ARHGAP21: variants seen among roughly 807,000 people sequenced by gnomAD.
The protein encoded by ARHGAP21 is Rho GTPase activating protein 21.
Under a neutral mutation model 164.6 loss-of-function variants are expected in ARHGAP21, and 38 were observed. That is an observed-to-expected ratio of 0.23 (90% CI 0.18 to 0.30). The LOEUF is 0.30. Among genes scored for constraint, ARHGAP21 ranks in the 10% least tolerant of loss-of-function variants. The pLI is 1.00. For synonymous variants in ARHGAP21, 766 were observed against 857.9 expected (o/e 0.89, Z 1.87); for missense variants, 1,822 against 2,370.7 (o/e 0.77, Z 4.81).
intron 21 of ARHGAP21, among the ~76,000 whole-genome samples, chr10:24,594,608 G>C (rs1315552160): frequency 7.9e-6 from 1 of 125,790 alleles, no homozygotes; most frequent in African/African-American, 2.9e-5. Context: ...GTTTATGTCT[G>C]TTTTCCCTGT....
intron 14 of ARHGAP21, among the ~76,000 whole-genome samples, chr10:24,600,391 A>C (rs2076765931): frequency 6.6e-6 from 1 of 152,148 alleles, no homozygotes; most frequent in Non-Finnish European, 1.5e-5. Context: ...CAGGACTAGG[A>C]ATGTAGTTCA....
chr10:24,689,808 A>G (rs1425170024), intron 2 of ARHGAP21, among the ~76,000 whole-genome samples: 1 of 149,766 alleles, frequency 6.7e-6, no homozygotes, highest in Non-Finnish European at 1.5e-5. Flanking sequence ...ATGTATATGT[A>G]TGTGTATATA....
In ARHGAP21 at chr10:24,585,454, G is replaced by A. The variant is rs1396122259; in HGVS notation, c.4835C>T (p.Ala1612Val). Residue 1612 changes from alanine (A) to valine (V), a missense_variant, in exon 26 of 26, where the codon GCA becomes GTA. Physicochemically the swap from Ala to Val is moderately conservative, Grantham distance 64. Around this residue, in one of 5 missense-constraint regions of ARHGAP21, gnomAD observed 333 missense variants for 383.9 expected, o/e 0.87. Coordinates refer to ENST00000396432, the MANE Select transcript of ARHGAP21 (RefSeq NM_020824.4). ...SRLSPEVQSV[A>V]ESKGDEADDE... ...ATCTGCCTCGTCCCCCTTGCTCTCTGCCACGGATTGCACCTCAGGGCTCAG... is the reference window on the plus strand; with the variant it reads ...ATCTGCCTCGTCCCCCTTGCTCTCTACCACGGATTGCACCTCAGGGCTCAG... 4.3e-5 allele frequency: 70 copies of A among 1,613,870 alleles called. No individual in the cohort carries two copies. The highest frequency in any genetic ancestry group is 5.8e-5 in the Non-Finnish European group (69 of 1,180,054).
intron 4 of ARHGAP21, among the ~76,000 whole-genome samples, chr10:24,638,718 C>T (rs769788456): frequency 2.2e-4 from 34 of 152,294 alleles, no homozygotes; most frequent in Non-Finnish European, 4.3e-4. Flanking sequence ...AATATCATTT[C>T]CTAACCTTAT....
At chr10:24,687,738 C>T (rs929315541) in intron 2 of ARHGAP21, among the ~76,000 whole-genome samples, 1 of 152,172 alleles carries the variant, frequency 6.6e-6, no homozygotes, top group Non-Finnish European at 1.5e-5. Flanking sequence ...AAAAGTCGAG[C>T]TTAAATTTCA....
rs778682384 is a variant in ARHGAP21 at position 24,633,420 on chromosome 10, A to G, written c.422T>C (p.Ile141Thr). 6.2e-7 allele frequency: 1 copy of G among 1,610,278 alleles called. No individual in the cohort carries two copies. The part of the protein sequence containing the change: ...SVIGKTYSQV[I>T]ALIQNSDTTL... ...CTCTTACCTGTTTTGAATTAAAGCA[A>G]TTACTTGGGAATAGGTTTTGCCAAT... The change falls in exon 6 of 26, where the codon ATT (isoleucine) becomes ACT (threonine). Residue 141 changes from isoleucine (I) to threonine (T), a missense_variant. Physicochemically the swap from Ile to Thr is moderately conservative, Grantham distance 89. This residue lies in a region of ARHGAP21 where 1,090 missense variants were observed against 1,378.9 expected (regional missense o/e 0.79). Transcript: ENST00000396432.
At chr10:24,605,215 C>G (rs1378080370) in intron 11 of ARHGAP21, among the ~76,000 whole-genome samples, 1 of 152,176 alleles carries the variant, frequency 6.6e-6, no homozygotes, top group African/African-American at 2.4e-5. Flanking sequence ...GGGCACCGAT[C>G]ACTTGCAGAT....
chr10:24,648,082 A>G (rs1181032723), intron 4 of ARHGAP21, among the ~76,000 whole-genome samples: 8 of 151,944 alleles, frequency 5.3e-5, no homozygotes, highest in Non-Finnish European at 1.2e-4. Context: ...CAGGTGATCC[A>G]CCCACCCCGG....
At chr10:24,621,414 G>T (rs776278147) in intron 8 of ARHGAP21, 45 bp from the exon 9 acceptor site, 25 of 1,466,592 alleles carry the variant, frequency 1.7e-5, no homozygotes, top group South Asian at 1.5e-4. Flanking sequence ...TTCATAAAAA[G>T]AATAATAATT....
rs144788990 is a variant in ARHGAP21, at chr10:24,651,446, A to G, written c.268+15539T>C. 2.6e-3 allele frequency among the ~76,000 whole-genome samples: 394 copies of G among 152,260 alleles called. 1 individual carries two copies. Among genetic ancestry groups the G allele is most frequent in the Non-Finnish European group, 3.7e-3 (255 of 68,008 alleles). On this transcript the variant is annotated intron_variant, in intron 4 of 25. Coordinates refer to ENST00000396432, the MANE Select transcript of ARHGAP21 (RefSeq NM_020824.4). ...TTATCCTTTACAAGCATTGCCCCCA[A>G]TAAGCCTTCTGCATATCTCATCCTG...
At chr10:24,634,952 T>C in intron 5 of ARHGAP21, 59 bp downstream of exon 5, 2 of 1,257,070 alleles carry the variant, frequency 1.6e-6, no homozygotes, top group Non-Finnish European at 2.2e-6. Context: ...ACATGAAATA[T>C]GGAAGAAATA....
rs1338403893 is a variant in ARHGAP21, at chr10:24,607,747, T to C, written c.2579A>G (p.His860Arg). The change falls in exon 10 of 26, where the codon CAC (histidine) becomes CGC (arginine). Residue 860 changes from histidine to arginine, a missense_variant and splice_region_variant. Coordinates refer to ENST00000396432, the MANE Select transcript of ARHGAP21 (RefSeq NM_020824.4). Reference protein sequence around the residue: ...PLIRRQLSHDHESVGPPSLDA... With the variant: ...PLIRRQLSHDRESVGPPSLDA... ...ACAAAACCACCCTTTAGACGTACCG[T>C]GGTCATGTGAGAGCTGACGGCGAAT... The C allele has an allele frequency of 6.2e-7, 1 of 1,613,824 alleles. No individual in the cohort carries two copies.
chr10:24,604,374 T>C, intron 11 of ARHGAP21, 26 bp from the exon 12 acceptor site: 2 of 1,540,352 alleles, frequency 1.3e-6, no homozygotes. Flanking sequence ...TATATAAATA[T>C]TTTCAATTAG....
chr10:24,686,561 A>C (rs1477667944), intron 2 of ARHGAP21, among the ~76,000 whole-genome samples: 1 of 152,258 alleles, frequency 6.6e-6, no homozygotes, highest in Non-Finnish European at 1.5e-5. Flanking sequence ...AACATTTTTC[A>C]ATGGCATGAG....
intron 23 of ARHGAP21, 92 bp downstream of exon 23, chr10:24,591,550 A>G (rs2076331997): frequency 6.0e-6 from 9 of 1,501,036 alleles, no homozygotes; most frequent in South Asian, 1.1e-5. Flanking sequence ...AAAGCGGACA[A>G]TAGCAAAGCA....
chr10:24,629,773 T>C (rs1458507121), intron 7 of ARHGAP21: 1 of 591,120 alleles, frequency 1.7e-6, no homozygotes, highest in Admixed American at 2.4e-5. Context: ...GCATTAAGAG[T>C]TCACTGTAGA....
chr10:24,648,785 A>C, intron 4 of ARHGAP21: 1 of 983,322 alleles, frequency 1.0e-6, no homozygotes, highest in Non-Finnish European at 1.2e-6. Flanking sequence ...GTCTCAAAAA[A>C]AAAAAAAAAA....
Position 24,721,789 on chromosome 10 carries a change from GAC to G in ARHGAP21, c.63+46_63+47del, listed in dbSNP as rs999274070. The G allele has an allele frequency of 2.5e-6, 4 of 1,606,516 alleles. No individual in the cohort carries two copies. In the Admixed American group the frequency reaches 5.1e-5, roughly 20 times the overall value. On this transcript the variant is annotated intron_variant, in intron 2 of 25. Transcript: ENST00000396432. ...AACCCCCAACTTGCAGGACGCTCAA[GAC>G]ACAGGCCACCGCCCTGCCGGCCAGG...
chr10:24,616,897 A>G (rs1341900391), intron 9 of ARHGAP21, among the ~76,000 whole-genome samples: 1 of 152,196 alleles, frequency 6.6e-6, no homozygotes, highest in African/African-American at 2.4e-5. Context: ...TAAACAAAAT[A>G]CTGTTAATGA....
Sources: allele counts gnomAD v4.1 joint callset (sites outside exome capture counted in the v4.1 genomes callset), GRCh38; gene constraint gnomAD v4.1.1; regional missense constraint gnomAD v4.1.1; transcripts MANE v1.5; gene names NCBI Gene and HGNC (gene_info 2026-07-23, HGNC 2026-07-21).